The following LRCH2 variants were observed in gnomAD, a reference collection of about 807,000 sequenced individuals.
The protein encoded by LRCH2 is leucine-rich repeat and calponin homology domain-containing protein 2.
Under a neutral mutation model 68.9 loss-of-function variants are expected in LRCH2, and 38 were observed. The ratio of observed to expected loss-of-function variants is 0.55; its 90% confidence interval spans 0.43 to 0.72. The LOEUF (loss-of-function observed/expected upper bound fraction) is 0.72. Ranked by LOEUF, LRCH2 falls within the 30% of genes least tolerant of loss-of-function variation. The pLI is 0.00. For missense variants in LRCH2, 528 were observed against 572.9 expected, an observed-to-expected ratio of 0.92 and a Z score of 0.80; for synonymous variants, 191 against 208.1, an observed-to-expected ratio of 0.92 and a Z score of 0.71.
At chrX:115,126,473 A>C (rs1474575871) in intron 16 of LRCH2, 3 of 121,316 alleles carry the variant, frequency 2.5e-5, no homozygotes, top group African/African-American at 9.6e-5. Context: ...TAAAATTTGA[A>C]AGTTGTTCTT....
chrX:115,195,621 G>A lies in LRCH2; in HGVS notation c.350-7251C>T, dbSNP rs781963778. 1.9e-4 allele frequency among the ~76,000 whole-genome samples: 21 copies of A among 111,406 alleles called. No homozygotes were observed. In the South Asian group the frequency reaches 8.0e-3, roughly 42 times the overall value. ...CACTTTGAATACATTACCCAACAGG[G>A]AACACAGGGTTCAACAGAAAAAGTG... On this transcript the variant is annotated intron_variant, in intron 1 of 20. Transcript: ENST00000317135.
Position 115,124,002 on chromosome X carries a change from C to A in LRCH2, c.1792G>T (p.Glu598Ter), listed in dbSNP as rs2072165094. 1.9e-6 allele frequency: 2 copies of A among 1,034,720 alleles called. No homozygotes were observed. The highest frequency in any genetic ancestry group is 3.6e-5 in the Admixed American group (1 of 27,633). 85.3% of individuals were successfully genotyped at this position (1,034,720 alleles called of 1,213,427 possible). ...GAAAAACCATCAGTTCTGTCATATT[C>A]CTAAAAAAAAATTAAAAAGTTAAAA... ...MSTQSPVSSE[E>*]YDRTDGFSHS... Residue 598 changes from glutamate to a stop codon, truncating the protein, a stop_gained and splice_region_variant, in exon 17 of 21, where the codon GAA becomes TAA. Coordinates refer to ENST00000317135, the MANE Select transcript of LRCH2 (RefSeq NM_020871.4). LOFTEE classifies it high-confidence loss of function.
rs1556526449 is a variant in LRCH2 at position 115,122,809 on chromosome X, T to C, written c.2051A>G (p.His684Arg). The C allele has an allele frequency of 8.3e-7, 1 of 1,209,039 alleles. No homozygotes were observed. The highest frequency in any genetic ancestry group is 1.7e-5 in the African/African-American group (1 of 57,179). The change falls in exon 19 of 21, where the codon CAT (histidine) becomes CGT (arginine). Residue 684 changes from histidine to arginine, a missense_variant. His to Arg is a conservative substitution (Grantham distance 29). Coordinates refer to ENST00000317135, the MANE Select transcript of LRCH2 (RefSeq NM_020871.4). ...DGVVLCHLAN[H>R]IRPRSVASIH... ...ACTAGCAACAGAACGTGGCCTTATATGATTGGCTAAATGGCAAAGAACAAC... is the reference window on the plus strand; with the variant it reads ...ACTAGCAACAGAACGTGGCCTTATACGATTGGCTAAATGGCAAAGAACAAC...
intron 1 of LRCH2, among the ~76,000 whole-genome samples, chrX:115,215,700 G>T (rs1327318226): frequency 9.7e-6 from 1 of 102,621 alleles, no homozygotes; most frequent in East Asian, 3.1e-4. Flanking sequence ...GACAGAGGTT[G>T]TAGTGAGCCA....
At chrX:115,232,611 T>A (rs1326563138) in intron 1 of LRCH2, among the ~76,000 whole-genome samples, 1 of 111,950 alleles carries the variant, frequency 8.9e-6, no homozygotes, top group African/African-American at 3.2e-5. Context: ...GAAATTGTCT[T>A]GTTTTGAAAA....
chrX:115,118,199 T>TA (rs1260844942), intron 20 of LRCH2, among the ~76,000 whole-genome samples: 21 of 109,624 alleles, frequency 1.9e-4, no homozygotes, highest in African/African-American at 7.0e-4. Context: ...GGGTTTTTTT[T>TA]AACCCTTCAA....
rs782082878 is a variant in LRCH2 at position 115,190,742 on chromosome X, G to A, written c.350-2372C>T. 32 of 1,069,025 alleles carry A rather than the reference G, an allele frequency of 3.0e-5. No individual in the cohort carries two copies. The South Asian group carries it at 5.5e-4, about 18-fold the overall frequency. 88.1% of individuals were successfully genotyped at this position (1,069,025 alleles called of 1,213,427 possible). Reference sequence around the variant, plus strand: ...TACCGAGGCCGCTCACACGAGGCCCGCAGCGGGGGCCGCTCCACTGATGCC... The same window carrying A: ...TACCGAGGCCGCTCACACGAGGCCCACAGCGGGGGCCGCTCCACTGATGCC... On this transcript the variant is annotated intron_variant, in intron 1 of 20. Coordinates refer to ENST00000317135, the MANE Select transcript of LRCH2 (RefSeq NM_020871.4).
At chrX:115,225,381 A>G (rs782308959) in intron 1 of LRCH2, among the ~76,000 whole-genome samples, 2 of 111,088 alleles carry the variant, frequency 1.8e-5, no homozygotes, top group Non-Finnish European at 3.8e-5. Flanking sequence ...GAGCCCCAAC[A>G]TAGGTAAGGA....
intron 14 of LRCH2, among the ~76,000 whole-genome samples, chrX:115,131,275 G>C (rs2072242732): frequency 1.0e-5 from 1 of 96,583 alleles, no homozygotes; most frequent in Admixed American, 1.1e-4. Context: ...ACCATGACAG[G>C]CCCTAGTGTG....
At chrX:115,163,408 C>A (rs1432721533) in intron 11 of LRCH2, among the ~76,000 whole-genome samples, 11 of 111,365 alleles carry the variant, frequency 9.9e-5, no homozygotes, top group African/African-American at 3.2e-4. Flanking sequence ...TGAGTACATT[C>A]TGTTAGTTGT....
chrX:115,218,231 G>A (rs2147359970), intron 1 of LRCH2, among the ~76,000 whole-genome samples: 1 of 112,085 alleles, frequency 8.9e-6, no homozygotes, highest in East Asian at 2.8e-4. Context: ...TATCTGAATT[G>A]TTATGATTAT....
intron 11 of LRCH2, among the ~76,000 whole-genome samples, chrX:115,160,872 A>G (rs1470644412): frequency 8.9e-6 from 1 of 111,830 alleles, no homozygotes; most frequent in Admixed American, 9.5e-5. Flanking sequence ...AGTAAACTAA[A>G]AATTTTAAGT....
intron 1 of LRCH2, among the ~76,000 whole-genome samples, chrX:115,217,228 A>G (rs978049725): frequency 2.7e-5 from 3 of 111,716 alleles, no homozygotes; most frequent in Non-Finnish European, 3.8e-5. Flanking sequence ...CCCCAAACTC[A>G]TAACAATTTT....
Position 115,166,286 on chromosome X carries a change from T to C in LRCH2, c.1055A>G (p.Asp352Gly). Residue 352 changes from aspartate to glycine, a missense_variant, in exon 7 of 21, where the codon GAT (aspartate) becomes GGT (glycine). Coordinates refer to ENST00000317135, the MANE Select transcript of LRCH2 (RefSeq NM_020871.4). Reference protein sequence around the residue: ...NHGPDSGIGSDNGEKRLSTTE... With the variant: ...NHGPDSGIGSGNGEKRLSTTE... ...TGTGGATAATCGTTTCTCTCCATTATCACTTCCAATTCCAGAGTCAGGGCC... is the reference window on the plus strand; with the variant it reads ...TGTGGATAATCGTTTCTCTCCATTACCACTTCCAATTCCAGAGTCAGGGCC... 1.7e-6 allele frequency: 2 copies of C among 1,195,749 alleles called. No homozygotes were observed. Among genetic ancestry groups the C allele is most frequent in the Non-Finnish European group, 2.3e-6 (2 of 883,358 alleles).
rs182071841 is a variant in LRCH2, at chrX:115,220,020, T to A, written c.349+13673A>T. ...TTGTCACACTCTTTCCCATAAAGTT[T>A]AAAAATTTGAGAAGCATCTATTATA... is the stretch of plus-strand genomic sequence containing the variant. On this transcript the variant is annotated intron_variant, in intron 1 of 20. Transcript: ENST00000317135. Among the ~76,000 whole-genome samples, 863 of 112,041 alleles carry A rather than the reference T, an allele frequency of 7.7e-3. 8 individuals carry two copies. The highest frequency in any genetic ancestry group is 0.026 in the African/African-American group (816 of 30,890).
Position 115,165,671 on chromosome X carries a change from T to C in LRCH2, c.1199-16A>G. On this transcript the variant is annotated splice_polypyrimidine_tract_variant and intron_variant, in intron 8 of 20. Coordinates refer to ENST00000317135, the MANE Select transcript of LRCH2 (RefSeq NM_020871.4). ...ACCTCCTGGTCTAGGTACAGATTAA[T>C]ATTTATTAGAAAATGTACATAGTAA... is the stretch of plus-strand genomic sequence containing the variant. 9.3e-7 allele frequency: 1 copy of C among 1,070,660 alleles called. No homozygotes were observed. Among genetic ancestry groups the C allele is most frequent in the Non-Finnish European group, 1.3e-6 (1 of 793,508 alleles). The allele number at this position is 1,070,660 out of a possible 1,213,427, so 88.2% of individuals were successfully genotyped here.
chrX:115,160,723 A>AT (rs2072512826), intron 11 of LRCH2, among the ~76,000 whole-genome samples: 1 of 112,149 alleles, frequency 8.9e-6, no homozygotes, highest in Non-Finnish European at 1.9e-5. Context: ...TATTTGGAAT[A>AT]TAAGACACAA....
chrX:115,168,335 C>T (rs1196028587), intron 6 of LRCH2, among the ~76,000 whole-genome samples: 1 of 111,390 alleles, frequency 9.0e-6, no homozygotes, highest in Non-Finnish European at 1.9e-5. Flanking sequence ...CAACTGACAA[C>T]CCACTCTATA....
intron 1 of LRCH2, among the ~76,000 whole-genome samples, chrX:115,213,861 G>A (rs1556570657): frequency 9.0e-6 from 1 of 111,610 alleles, no homozygotes; most frequent in Admixed American, 9.5e-5. Context: ...AGAGCTATTG[G>A]TAATGACTAA....
Sources: gnomAD v4.1 joint callset for allele counts (sites outside exome capture counted in the v4.1 genomes callset) on GRCh38, gnomAD v4.1.1 for gene constraint, MANE v1.5 for transcripts, NCBI Gene and HGNC (gene_info 2026-07-23, HGNC 2026-07-21) for gene names.